Variants in FGF6 observed in about 807,000 individuals in gnomAD.
FGF6 encodes FGF-6.
Under a neutral mutation model 18.4 loss-of-function variants are expected in FGF6, and 14 were observed. That is an observed-to-expected ratio of 0.76 (90% CI 0.50 to 1.19). The LOEUF is 1.19. Ranked by LOEUF, FGF6 falls within the 50% of genes most tolerant of loss-of-function variation. FGF6 has a pLI of 0.00. For missense variants in FGF6, 266 were observed against 271.6 expected (o/e 0.98, Z 0.15); for synonymous variants, 125 against 116.7 (o/e 1.07, Z -0.46).
intron 2 of FGF6, among the ~76,000 whole-genome samples, chr12:4,435,145 C>A (rs1032404134): frequency 2.6e-5 from 4 of 152,112 alleles, no homozygotes; most frequent in African/African-American, 9.7e-5. Context: ...GACCAGGGGT[C>A]CCCGACCCCC....
At chr12:4,440,134 T>C (rs921442886) in intron 2 of FGF6, among the ~76,000 whole-genome samples, 1 of 152,224 alleles carries the variant, frequency 6.6e-6, no homozygotes, top group Non-Finnish European at 1.5e-5. Context: ...CTTGAATAAA[T>C]GAAAATCATT....
rs777789412 is a variant in FGF6 at position 4,445,450 on chromosome 12, C to G, written c.121G>C (p.Gly41Arg). The G allele has an allele frequency of 6.2e-7, 1 of 1,613,350 alleles. No individual in the cohort carries two copies. The highest frequency in any genetic ancestry group is 8.5e-7 in the Non-Finnish European group (1 of 1,180,012). ...AGCAGCGTGTTGTTGGCACGGGTGC[C>G]TGCAGGCGAGGGCACCACCATGCCC... ...LVGMVVPSPA[G>R]TRANNTLLDS... Residue 41 changes from glycine to arginine, a missense_variant, in exon 1 of 3, where the codon GGC (glycine) becomes CGC (arginine). Coordinates refer to ENST00000228837, the MANE Select transcript of FGF6 (RefSeq NM_020996.3). The surrounding 1 kb of genome is among the most constrained non-coding windows in gnomAD (Gnocchi z 5.5).
rs1337877742 is a variant in FGF6 at position 4,445,421 on chromosome 12, G to C, written c.150C>G (p.Asp50Glu). The change falls in exon 1 of 3, where the codon GAC becomes GAG. Residue 50 changes from aspartate to glutamate, a missense_variant. Asp to Glu is a conservative substitution (Grantham distance 45). Transcript: ENST00000228837. This position sits in a 1 kb window ranked among gnomAD's most constrained non-coding sequence, Gnocchi z 5.5. ...AGTRANNTLLDSRGWGTLLSR... is the reference protein window; with the variant it reads ...AGTRANNTLLESRGWGTLLSR... ...ACAGCAGGGTGCCCCAGCCCCTCGA[G>C]TCCAGCAGCGTGTTGTTGGCACGGG... 2 of 1,613,434 alleles carry C rather than the reference G, an allele frequency of 1.2e-6. No individual in the cohort carries two copies. The highest frequency in any genetic ancestry group is 3.3e-5 in the Admixed American group (2 of 60,026).
Position 4,445,320 on chromosome 12 carries a change from C to T in FGF6, c.251G>A (p.Arg84Gln), listed in dbSNP as rs762919183. 2.5e-5 allele frequency: 41 copies of T among 1,613,942 alleles called. No homozygotes were observed. Among genetic ancestry groups the T allele is most frequent in the Non-Finnish European group, 3.3e-5 (39 of 1,180,036 alleles). The change falls in exon 1 of 3, where the codon CGG becomes CAG. Residue 84 changes from arginine (R) to glutamine (Q), a missense_variant. Arg to Gln is a conservative substitution (Grantham distance 43). Transcript: ENST00000228837. This position sits in a 1 kb window ranked among gnomAD's most constrained non-coding sequence, Gnocchi z 5.5. ...CACGTTGCAGTAGAGCCTCCGCTGC[C>T]GCTTGATCCCCACCAAATAGCCACT... ...WESGYLVGIK[R>Q]QRRLYCNVGI... is the part of the protein sequence containing the mutation.
In FGF6 at chr12:4,443,048, G is replaced by A. The variant is rs191356171; in HGVS notation, c.450+1085C>T. On this transcript the variant is annotated intron_variant, in intron 2 of 2. Transcript: ENST00000228837. ...AGAGATGCAAACTGTCCACAGACCC[G>A]TGTGGGAGACCCACTGATTGTAGTG... Among the ~76,000 whole-genome samples, 389 of 152,322 alleles carry A rather than the reference G, an allele frequency of 2.6e-3. 3 individuals carry two copies. The highest frequency in any genetic ancestry group is 0.014 in the Middle Eastern group (4 of 294).
intron 2 of FGF6, among the ~76,000 whole-genome samples, chr12:4,436,621 A>C (rs1256120124): frequency 2.0e-5 from 3 of 152,138 alleles, no homozygotes; most frequent in African/African-American, 7.2e-5. Flanking sequence ...TGTCTCAAGA[A>C]TAAATAAATA....
intron 2 of FGF6, among the ~76,000 whole-genome samples, chr12:4,441,351 C>T (rs1865688471): frequency 6.6e-6 from 1 of 152,154 alleles, no homozygotes; most frequent in Non-Finnish European, 1.5e-5. Context: ...CGGGGCTGCA[C>T]ACAGCTGTGG....
Position 4,445,142 on chromosome 12 carries a change from C to G in FGF6, c.346+83G>C, listed in dbSNP as rs561888200. 2.5e-6 allele frequency: 3 copies of G among 1,180,362 alleles called. No homozygotes were observed. The South Asian group carries it at 4.3e-5, about 17-fold the overall frequency. The allele number at this position is 1,180,362 out of a possible 1,614,324, so 73.1% of individuals were successfully genotyped here. ...TGCCCCCTTTATCGTGCATCCTGTC[C>G]GCTAGAGCAGGGCCCCTTCACCTTT... On this transcript the variant is annotated intron_variant, in intron 1 of 2. Transcript: ENST00000228837. The surrounding 1 kb of genome is among the most constrained non-coding windows in gnomAD (Gnocchi z 5.5).
At chr12:4,441,519 C>T (rs1865690501) in intron 2 of FGF6, among the ~76,000 whole-genome samples, 1 of 152,154 alleles carries the variant, frequency 6.6e-6, no homozygotes, top group South Asian at 2.1e-4. Flanking sequence ...GGCAGGGCAG[C>T]TGTTTATATT....
intron 2 of FGF6, among the ~76,000 whole-genome samples, chr12:4,440,565 TATC>T (rs1437037531): frequency 6.6e-6 from 1 of 152,226 alleles, no homozygotes; most frequent in Non-Finnish European, 1.5e-5. Flanking sequence ...TTAGCTGAAA[TATC>T]ATCAGCTCTG....
At chr12:4,442,346 C>T (rs1199931484) in intron 2 of FGF6, among the ~76,000 whole-genome samples, 2 of 152,236 alleles carry the variant, frequency 1.3e-5, no homozygotes, top group East Asian at 1.9e-4. Context: ...ATTCCCTTCC[C>T]GAGCCTTTCC....
At chr12:4,434,422 TG>T in intron 2 of FGF6, 31 bp from the exon 3 acceptor site, 3 of 1,612,836 alleles carry the variant, frequency 1.9e-6, no homozygotes, top group Non-Finnish European at 2.5e-6. Context: ...CAGCAGAGAC[TG>T]GGTTACAAAT....
intron 2 of FGF6, among the ~76,000 whole-genome samples, chr12:4,436,701 G>A (rs566025671): frequency 1.3e-5 from 2 of 152,326 alleles, no homozygotes; most frequent in Admixed American, 6.5e-5. Context: ...TGATGTGAGC[G>A]TGGGTGAGGG....
In FGF6 at chr12:4,435,725, GGACTTCCTGTCACATGAACA is replaced by G. The variant is rs1186572565; in HGVS notation, c.451-1354_451-1335del. ...ACCACCTGTTCAGAACATGAACGCT[GGACTTCCTGTCACATGAACA>G]CTGGACTTCCTGTCACATGAACGCT... On this transcript the variant is annotated intron_variant, in intron 2 of 2. Coordinates refer to ENST00000228837, the MANE Select transcript of FGF6 (RefSeq NM_020996.3). Among the ~76,000 whole-genome samples the G allele has an allele frequency of 1.9e-4, 29 of 151,838 alleles. No homozygotes were observed. The East Asian group carries it at 2.1e-3, about 11-fold the overall frequency.
In FGF6 at chr12:4,445,258, G is replaced by A. The variant is rs369471848; in HGVS notation, c.313C>T (p.Arg105Trp). Residue 105 changes from arginine (R) to tryptophan (W), a missense_variant, in exon 1 of 3, where the codon CGG (arginine) becomes TGG (tryptophan). Coordinates refer to ENST00000228837, the MANE Select transcript of FGF6 (RefSeq NM_020996.3). This position sits in a 1 kb window ranked among gnomAD's most constrained non-coding sequence, Gnocchi z 5.5. ...TTCTCCTCGTGGGTCCCGCTGATCC[G>A]GCCGTCGGGGAGCACCTGGAGGTGA... ...GFHLQVLPDG[R>W]ISGTHEENPY... 159 of 1,613,570 alleles carry A rather than the reference G, an allele frequency of 9.9e-5. 1 individual carries two copies. The highest frequency in any genetic ancestry group is 7.2e-4 in the South Asian group (66 of 91,058).
chr12:4,441,659 C>G lies in FGF6; in HGVS notation c.450+2474G>C, dbSNP rs565794307. ...CTCTGCCCACGAGTCGTTGCCTTGT[C>G]CCCCTCACCAACACCTCAGCCCCAG... On this transcript the variant is annotated intron_variant, in intron 2 of 2. Transcript: ENST00000228837. Among the ~76,000 whole-genome samples the G allele has an allele frequency of 4.7e-4, 72 of 152,244 alleles. 2 individuals are homozygous for G. The South Asian group carries it at 7.3e-3, about 15-fold the overall frequency.
Position 4,445,464 on chromosome 12 carries a change from A to G in FGF6, c.107T>C (p.Val36Ala), listed in dbSNP as rs11613495. The G allele has an allele frequency of 0.15, 244,105 of 1,613,080 alleles. 19,700 individuals carry two copies. The highest frequency in any genetic ancestry group is 0.22 in the Middle Eastern group (1,305 of 6,062). Residue 36 changes from valine (V) to alanine (A), a missense_variant, in exon 1 of 3, where the codon GTG becomes GCG. Val to Ala is a moderately conservative substitution (Grantham distance 64). Transcript: ENST00000228837. This position sits in a 1 kb window ranked among gnomAD's most constrained non-coding sequence, Gnocchi z 5.5. ...GGCACGGGTGCCTGCAGGCGAGGGC[A>G]CCACCATGCCCACTAGGATGCCTAG... ...VFLGILVGMV[V>A]PSPAGTRANN...
chr12:4,442,781 T>C (rs1270095975), intron 2 of FGF6, among the ~76,000 whole-genome samples: 2 of 152,204 alleles, frequency 1.3e-5, no homozygotes, highest in African/African-American at 4.8e-5. Flanking sequence ...ATGTCTCTTC[T>C]GTCTCATCTC....
intron 2 of FGF6, among the ~76,000 whole-genome samples, chr12:4,443,905 C>T (rs543641050): frequency 3.7e-4 from 56 of 152,230 alleles, no homozygotes; most frequent in African/African-American, 3.6e-4. Context: ...ACACGGGCTC[C>T]GGCCGGCAGG....
Sources: allele counts gnomAD v4.1 joint callset (sites outside exome capture counted in the v4.1 genomes callset), GRCh38; gene constraint gnomAD v4.1.1; non-coding constraint Gnocchi (gnomAD v3.1); transcripts MANE v1.5; gene names NCBI Gene and HGNC (gene_info 2026-07-23, HGNC 2026-07-21).